RTKN2: variants seen among roughly 807,000 people sequenced by gnomAD.
The protein encoded by RTKN2 is rhotekin-2.
In RTKN2, 69 loss-of-function variants were observed where a neutral mutation model predicts 71.5. The observed-to-expected ratio is 0.96, with a 90% confidence interval of 0.79 to 1.18. The LOEUF (loss-of-function observed/expected upper bound fraction) is 1.18. RTKN2 is among the 50% of genes most tolerant of loss of function. The probability of loss-of-function intolerance (pLI) is 0.00; values close to 1 mark genes in which losing one functional copy is unlikely to be tolerated. For synonymous variants in RTKN2, 236 were observed against 236.5 expected (o/e 1.00, Z 0.02); for missense variants, 724 against 719.7 (o/e 1.01, Z -0.07).
chr10:62,244,918 A>T (rs1357810887), intron 3 of RTKN2, among the ~76,000 whole-genome samples: 1 of 152,168 alleles, frequency 6.6e-6, no homozygotes, highest in Admixed American at 6.5e-5. Flanking sequence ...ATCCAGAAAA[A>T]TATTACTAGA....
rs1409213613 is a variant in RTKN2 at position 62,223,305 on chromosome 10, G to A, written c.714C>T (p.His238=). 2 of 1,609,290 alleles carry A rather than the reference G, an allele frequency of 1.2e-6. No individual in the cohort carries two copies. Among genetic ancestry groups the A allele is most frequent in the South Asian group, 1.1e-5 (1 of 90,974 alleles). The change falls in exon 7 of 12, where the codon CAC becomes CAT. Residue 238 remains histidine (H), a synonymous_variant. Transcript: ENST00000373789. ...VFGVKYNLLA[H]TTLTLESAED... is the part of the protein sequence containing the mutation. The stretch of plus-strand genomic sequence containing the variant: ...CAGCACTTTCCAAGGTTAGGGTAGT[G>A]TGAGCTAGCAAATTATACTTTACAC...
intron 7 of RTKN2, among the ~76,000 whole-genome samples, chr10:62,220,016 A>G (rs1302241365): frequency 1.3e-5 from 2 of 152,206 alleles, no homozygotes; most frequent in Admixed American, 1.3e-4. Flanking sequence ...AATGATTTTT[A>G]AAGTTTTGGC....
At chr10:62,233,265 C>T (rs1050612798) in intron 6 of RTKN2, among the ~76,000 whole-genome samples, 1 of 152,124 alleles carries the variant, frequency 6.6e-6, no homozygotes, top group East Asian at 1.9e-4. Context: ...GGGTAATTAT[C>T]TCTAAGATCT....
intron 2 of RTKN2, among the ~76,000 whole-genome samples, chr10:62,261,116 ACTC>A (rs2133094979): frequency 6.6e-6 from 1 of 152,316 alleles, no homozygotes; most frequent in South Asian, 2.1e-4. Flanking sequence ...TTTGAGAAGC[ACTC>A]ACTTAAACCA....
intron 7 of RTKN2, among the ~76,000 whole-genome samples, chr10:62,218,893 G>A (rs1417542438): frequency 2.0e-5 from 3 of 152,134 alleles, no homozygotes; most frequent in Non-Finnish European, 2.9e-5. Context: ...GGCTGAGGCC[G>A]AAGAATCGCT....
rs866939234 is a variant in RTKN2 at position 62,184,122 on chromosome 10, G to T, written c.*200C>A. On this transcript the variant is annotated 3_prime_UTR_variant, in exon 9 of 9. Coordinates refer to the RTKN2 transcript ENST00000315289. The stretch of plus-strand genomic sequence containing the variant: ...AAACACTGAATGGAAAATAAACATG[G>T]ACAGCTCTACAAAATGTTTACTCAA... 107 of 473,938 alleles carry T rather than the reference G, an allele frequency of 2.3e-4. 1 individual carries two copies. The Middle Eastern group carries it at 5.8e-3, about 26-fold the overall frequency. The allele number at this position is 473,938 out of a possible 1,614,324, so 29.4% of individuals were successfully genotyped here. A position where few individuals can be genotyped will look rare whatever the true frequency, so the allele number is the denominator to read the frequency against.
At chr10:62,213,278 G>A (rs1392946685) in intron 9 of RTKN2, among the ~76,000 whole-genome samples, 1 of 150,854 alleles carries the variant, frequency 6.6e-6, no homozygotes, top group East Asian at 1.9e-4. Flanking sequence ...TAATAGTAAA[G>A]AGGGAAGATT....
chr10:62,213,174 GAC>G (rs1285642779), intron 9 of RTKN2, among the ~76,000 whole-genome samples: 1 of 152,184 alleles, frequency 6.6e-6, no homozygotes. Flanking sequence ...TTTAGGCAAA[GAC>G]AATCACAGGT....
intron 2 of RTKN2, among the ~76,000 whole-genome samples, chr10:62,261,528 A>G (rs774394616): frequency 3.3e-5 from 5 of 152,094 alleles, no homozygotes; most frequent in Non-Finnish European, 7.4e-5. Flanking sequence ...GCACACGCCT[A>G]TAGTCCCAGT....
intron 6 of RTKN2, 43 bp from the exon 7 acceptor site, chr10:62,223,375 TCTA>T: frequency 8.8e-7 from 1 of 1,133,904 alleles, no homozygotes; most frequent in Non-Finnish European, 1.3e-6. Context: ...TTTTTGTATT[TCTA>T]CTACTACACA....
intron 3 of RTKN2, among the ~76,000 whole-genome samples, chr10:62,245,102 G>A (rs533718347): frequency 2.0e-5 from 3 of 152,056 alleles, no homozygotes; most frequent in African/African-American, 7.2e-5. Context: ...GTGTACACAC[G>A]AGTCAGCCAT....
At chr10:62,200,893 T>TA (rs1336329770) in intron 10 of RTKN2, among the ~76,000 whole-genome samples, 1 of 152,130 alleles carries the variant, frequency 6.6e-6, no homozygotes, top group Non-Finnish European at 1.5e-5. Flanking sequence ...TAGTCTTGAA[T>TA]AAAATCTTTC....
intron 2 of RTKN2, among the ~76,000 whole-genome samples, chr10:62,259,404 T>G (rs933577999): frequency 6.6e-6 from 1 of 152,214 alleles, no homozygotes; most frequent in African/African-American, 2.4e-5. Flanking sequence ...GGCTGTTAAT[T>G]AATACCAAAG....
At chr10:62,199,141 T>G (rs1841389134) in intron 11 of RTKN2, among the ~76,000 whole-genome samples, 1 of 152,222 alleles carries the variant, frequency 6.6e-6, no homozygotes. Flanking sequence ...CATTTTAAAG[T>G]GAATGTAAGT....
intron 1 of RTKN2, among the ~76,000 whole-genome samples, chr10:62,267,652 C>T (rs1406667176): frequency 6.6e-6 from 1 of 152,116 alleles, no homozygotes; most frequent in East Asian, 1.9e-4. Flanking sequence ...CTAAGGAAAT[C>T]CCAGATTTTT....
rs1464110919 is a variant in RTKN2, at chr10:62,236,202, A to T, written c.550T>A (p.Ser184Thr). The change falls in exon 6 of 12, where the codon TCT (serine) becomes ACT (threonine). Residue 184 changes from serine to threonine, a missense_variant. By Grantham distance (58) the Ser-to-Thr change is moderately conservative. Transcript: ENST00000373789. ...TTTTTTGGTGTGTTGGTTATAGAAG[A>T]TTCTTCTGTACAGCAACTATACACT... ...VEVYSCCTEE[S>T]SITNTPKKLA... The T allele has an allele frequency of 2.5e-6, 4 of 1,612,182 alleles. No homozygotes were observed. The highest frequency in any genetic ancestry group is 1.1e-5 in the South Asian group (1 of 91,014).
intron 6 of RTKN2, among the ~76,000 whole-genome samples, chr10:62,231,901 A>G (rs1391133503): frequency 6.6e-6 from 1 of 152,186 alleles, no homozygotes; most frequent in Non-Finnish European, 1.5e-5. Context: ...CTGATTTTTA[A>G]ACTCCTACCA....
chr10:62,253,461 A>C (rs985188926), intron 2 of RTKN2, among the ~76,000 whole-genome samples: 2 of 152,186 alleles, frequency 1.3e-5, no homozygotes, highest in African/African-American at 4.8e-5. Context: ...AGGTTACAGA[A>C]AACCTAACAC....
chr10:62,193,666 A>T lies in RTKN2; in HGVS notation c.*4242T>A, dbSNP rs890439784. On this transcript the variant is annotated 3_prime_UTR_variant, in exon 12 of 12. Transcript: ENST00000373789. ...AGGAATAAAGTACTGAGGGAGGTAC[A>T]TTAAAATAAGGAGACTCCTTGTGGC... is the stretch of plus-strand genomic sequence containing the variant. 1 of 985,312 alleles carries T rather than the reference A, an allele frequency of 1.0e-6. No individual in the cohort carries two copies. Among genetic ancestry groups the T allele is most frequent in the Non-Finnish European group, 1.2e-6 (1 of 829,800 alleles). The allele number at this position is 985,312 out of a possible 1,614,324, so 61.0% of individuals were successfully genotyped here. A position where few individuals can be genotyped will look rare whatever the true frequency, so the allele number is the denominator to read the frequency against.
Sources: allele counts gnomAD v4.1 joint callset (sites outside exome capture counted in the v4.1 genomes callset), GRCh38; gene constraint gnomAD v4.1.1; transcripts MANE v1.5; gene names NCBI Gene and HGNC (gene_info 2026-07-23, HGNC 2026-07-21).